Variants in LSAMP observed in about 807,000 individuals in gnomAD.
LSAMP encodes limbic system associated membrane protein, also known as limbic system-associated membrane protein.
LSAMP carries 7 observed loss-of-function variants against 38.6 expected under a neutral mutation model. The observed-to-expected ratio is 0.18, with a 90% CI of 0.10 to 0.34. LSAMP has a LOEUF of 0.34. LSAMP is among the 10% of genes least tolerant of loss of function. LSAMP has a pLI of 1.00. For synonymous variants in LSAMP, 154 were observed against 166.8 expected, an observed-to-expected ratio of 0.92 and a Z score of 0.59; for missense variants, 313 against 420.0, an observed-to-expected ratio of 0.75 and a Z score of 2.23.
chr3:115,854,269 TA>T (rs1935424984), intron 3 of LSAMP, among the ~76,000 whole-genome samples: 2 of 121,552 alleles, frequency 1.6e-5, no homozygotes, highest in Non-Finnish European at 3.5e-5. Flanking sequence ...TTATTATTAT[TA>T]TTATTATTAT....
chr3:115,894,243 T>C (rs1051421419), intron 3 of LSAMP, among the ~76,000 whole-genome samples: 1 of 152,008 alleles, frequency 6.6e-6, no homozygotes, highest in Non-Finnish European at 1.5e-5. Flanking sequence ...AAATAGAGCT[T>C]TAACATTTTA....
chr3:115,949,779 A>G (rs1938221871), intron 3 of LSAMP, among the ~76,000 whole-genome samples: 1 of 151,964 alleles, frequency 6.6e-6, no homozygotes, highest in African/African-American at 2.4e-5. Flanking sequence ...AGGACATAAC[A>G]AAGAAAAAAA....
chr3:116,169,245 G>C (rs1242444179), intron 1 of LSAMP, among the ~76,000 whole-genome samples: 1 of 152,030 alleles, frequency 6.6e-6, no homozygotes, highest in Non-Finnish European at 1.5e-5. Flanking sequence ...CTCTACTGTT[G>C]GGAGTCAGGA....
chr3:115,848,765 A>T (rs950660983), intron 4 of LSAMP, among the ~76,000 whole-genome samples: 1 of 152,166 alleles, frequency 6.6e-6, no homozygotes, highest in African/African-American at 2.4e-5. Flanking sequence ...ATGTGAACCT[A>T]TTTGGAGAGA....
At chr3:116,140,658 CA>C (rs901951373) in intron 1 of LSAMP, among the ~76,000 whole-genome samples, 12 of 151,980 alleles carry the variant, frequency 7.9e-5, no homozygotes, top group African/African-American at 2.7e-4. Context: ...CAGCAAAATG[CA>C]ACAACATTGA....
chr3:116,110,306 G>C (rs972607773), intron 1 of LSAMP, among the ~76,000 whole-genome samples: 1 of 152,050 alleles, frequency 6.6e-6, no homozygotes, highest in Non-Finnish European at 1.5e-5. Flanking sequence ...GGAGAGAAGG[G>C]GTTGGAGTAC....
chr3:116,218,754 C>T (rs1347603376), intron 1 of LSAMP, among the ~76,000 whole-genome samples: 1 of 152,166 alleles, frequency 6.6e-6, no homozygotes, highest in Non-Finnish European at 1.5e-5. Flanking sequence ...ACCTCCTGAT[C>T]CTTCCACCTC....
At chr3:116,061,049 T>C (rs1014594375) in intron 2 of LSAMP, among the ~76,000 whole-genome samples, 2 of 152,124 alleles carry the variant, frequency 1.3e-5, no homozygotes, top group African/African-American at 4.8e-5. Context: ...TGTAAACATA[T>C]AGAATGGAAT....
chr3:116,185,283 TATC>T (rs1710587286), intron 1 of LSAMP, among the ~76,000 whole-genome samples: 1 of 151,996 alleles, frequency 6.6e-6, no homozygotes, highest in Admixed American at 6.6e-5. Flanking sequence ...CTGAAAATCT[TATC>T]ATGTCTTTTT....
chr3:116,260,753 T>G (rs1332563495), intron 1 of LSAMP, among the ~76,000 whole-genome samples: 1 of 152,130 alleles, frequency 6.6e-6, no homozygotes, highest in Non-Finnish European at 1.5e-5. Flanking sequence ...ACGTGAGGCT[T>G]AGAGGGGAGA....
At chr3:116,334,097 G>A (rs747333000) in intron 1 of LSAMP, among the ~76,000 whole-genome samples, 1 of 151,826 alleles carries the variant, frequency 6.6e-6, no homozygotes, top group Non-Finnish European at 1.5e-5. Context: ...AAAAAAATTA[G>A]AAGTCAATAC....
intron 1 of LSAMP, among the ~76,000 whole-genome samples, chr3:116,160,152 A>G (rs1709849829): frequency 6.6e-6 from 1 of 152,094 alleles, no homozygotes; most frequent in Non-Finnish European, 1.5e-5. Context: ...GTAATCCCAG[A>G]ATTTTGGGAG....
chr3:116,198,400 A>G (rs1321982629), intron 1 of LSAMP, among the ~76,000 whole-genome samples: 1 of 152,190 alleles, frequency 6.6e-6, no homozygotes. Context: ...ACTGAGATTG[A>G]GTACTCCAAC....
At chr3:116,093,342 G>A (rs1310962252) in intron 1 of LSAMP, among the ~76,000 whole-genome samples, 2 of 152,194 alleles carry the variant, frequency 1.3e-5, no homozygotes, top group Non-Finnish European at 2.9e-5. Flanking sequence ...TATCCAAAAT[G>A]TTGACAGGAT....
intron 1 of LSAMP, among the ~76,000 whole-genome samples, chr3:116,412,201 T>TAC (rs1370638411): frequency 6.6e-6 from 1 of 152,086 alleles, no homozygotes; most frequent in Non-Finnish European, 1.5e-5. Flanking sequence ...TAATTATTCA[T>TAC]ACATGATTAT....
At chr3:116,338,002 A>C (rs376189654) in intron 1 of LSAMP, among the ~76,000 whole-genome samples, 1 of 152,054 alleles carries the variant, frequency 6.6e-6, no homozygotes, top group African/African-American at 2.4e-5. Flanking sequence ...AGAAAGGAAG[A>C]GAAAATGTTA....
rs557839940 is a variant in LSAMP, at chr3:115,939,157, TA to T, written c.514+80357del. Reference sequence around the variant, plus strand: ...TATATGAGTAGAAAAGTCCAACTAATAAAAAGCAGGTTCTAATAAATAATAA... The same window carrying T: ...TATATGAGTAGAAAAGTCCAACTAATAAAAGCAGGTTCTAATAAATAATAA... On this transcript the variant is annotated intron_variant, in intron 3 of 6. Transcript: ENST00000490035. Among the ~76,000 whole-genome samples, 309 of 152,258 alleles carry T rather than the reference TA, an allele frequency of 2.0e-3. 2 individuals carry two copies. The highest frequency in any genetic ancestry group is 7.2e-3 in the African/African-American group (299 of 41,564).
chr3:116,199,063 G>A (rs1039595295), intron 1 of LSAMP, among the ~76,000 whole-genome samples: 1 of 151,926 alleles, frequency 6.6e-6, no homozygotes, highest in Non-Finnish European at 1.5e-5. Flanking sequence ...TAGCCTGTGT[G>A]ACAGAGCAAG....
At chr3:116,247,129 G>C (rs2046615181) in intron 1 of LSAMP, among the ~76,000 whole-genome samples, 1 of 152,178 alleles carries the variant, frequency 6.6e-6, no homozygotes, top group African/African-American at 2.4e-5. Flanking sequence ...AGACATAAAA[G>C]TAAGGTCACA....
Sources: allele counts gnomAD v4.1 joint callset (sites outside exome capture counted in the v4.1 genomes callset), GRCh38; gene constraint gnomAD v4.1.1; transcripts MANE v1.5; gene names NCBI Gene and HGNC (gene_info 2026-07-23, HGNC 2026-07-21).